The following CPNE2 variants were observed in gnomAD, a reference collection of about 807,000 sequenced individuals.
CPNE2 encodes the protein copine-2.
Under a neutral mutation model 69.7 loss-of-function variants are expected in CPNE2, and 42 were observed. That is an observed-to-expected ratio of 0.60 (90% CI 0.47 to 0.78). The LOEUF (loss-of-function observed/expected upper bound fraction) is 0.78. CPNE2 is among the 30% of genes least tolerant of loss of function. The probability of loss-of-function intolerance (pLI) is 0.00; values close to 1 mark genes in which losing one functional copy is unlikely to be tolerated. For synonymous variants in CPNE2, 294 were observed against 289.8 expected (o/e 1.01, Z -0.15); for missense variants, 587 against 732.0 (o/e 0.80, Z 2.29).
At chr16:57,119,475 T>C in intron 6 of CPNE2, 86 bp from the exon 7 acceptor site, 1 of 1,237,930 alleles carries the variant, frequency 8.1e-7, no homozygotes, top group Non-Finnish European at 1.2e-6. Flanking sequence ...GTCTGCATTT[T>C]GTCACCCTGT....
chr16:57,136,543 A>T (rs149219305), intron 13 of CPNE2, among the ~76,000 whole-genome samples: 81 of 152,316 alleles, frequency 5.3e-4, no homozygotes, highest in African/African-American at 1.9e-3. Context: ...CAGAGTGTAG[A>T]TTATCAGTCC....
chr16:57,144,720 G>A (rs2069944989), intron 14 of CPNE2: 2 of 152,290 alleles, frequency 1.3e-5, no homozygotes, highest in South Asian at 4.1e-4. Context: ...AGCCAAGGCG[G>A]GTGGATCACC....
intron 1 of CPNE2, among the ~76,000 whole-genome samples, chr16:57,107,865 C>CTTTTTT (rs11347830): frequency 1.0e-5 from 1 of 98,796 alleles, no homozygotes; most frequent in Non-Finnish European, 2.0e-5. Context: ...ACAGAGCAAT[C>CTTTTTT]TTTTTTTTTT....
At chr16:57,107,865 CTTTTTTTT>C (rs11347830) in intron 1 of CPNE2, among the ~76,000 whole-genome samples, 2 of 98,786 alleles carry the variant, frequency 2.0e-5, no homozygotes, top group African/African-American at 4.0e-5. Flanking sequence ...ACAGAGCAAT[CTTTTTTTT>C]TTTTTTTTTT....
chr16:57,106,858 C>G lies in CPNE2; in HGVS notation c.-35-3850C>G, dbSNP rs189896731. Among the ~76,000 whole-genome samples the G allele has an allele frequency of 1.5e-3, 223 of 152,306 alleles. 1 individual carries two copies. Among genetic ancestry groups the G allele is most frequent in the African/African-American group, 5.1e-3 (214 of 41,554 alleles). ...TTGGCTTCCCCAGCCCTGATCACAACCTGCCCGCTTAGCCTCAGGCTCCCC... is the reference window on the plus strand; with the variant it reads ...TTGGCTTCCCCAGCCCTGATCACAAGCTGCCCGCTTAGCCTCAGGCTCCCC... On this transcript the variant is annotated intron_variant, in intron 1 of 15. Coordinates refer to ENST00000290776, the MANE Select transcript of CPNE2 (RefSeq NM_152727.6).
chr16:57,111,298 T>A (rs2069680412), intron 2 of CPNE2, among the ~76,000 whole-genome samples: 1 of 151,556 alleles, frequency 6.6e-6, no homozygotes, highest in Admixed American at 6.6e-5. Context: ...TGCCTCAGCC[T>A]CCCGATTAGC....
Position 57,146,379 on chromosome 16 carries a change from A to C in CPNE2, c.1539+58A>C. On this transcript the variant is annotated intron_variant, in intron 15 of 15. Coordinates refer to ENST00000290776, the MANE Select transcript of CPNE2 (RefSeq NM_152727.6). The surrounding 1 kb of genome is among the most constrained non-coding windows in gnomAD (Gnocchi z 4.4). ...TACAGGATCCCAGCCACCATAGCTCATAATCAAGCTTGAGAGTCTTGGGGT... is the reference window on the plus strand; with the variant it reads ...TACAGGATCCCAGCCACCATAGCTCCTAATCAAGCTTGAGAGTCTTGGGGT... The C allele has an allele frequency of 1.3e-5, 18 of 1,394,526 alleles. No homozygotes were observed. The highest frequency in any genetic ancestry group is 1.7e-5 in the Non-Finnish European group (17 of 1,021,028). 86.4% of individuals were successfully genotyped at this position (1,394,526 alleles called of 1,614,324 possible). A position where few individuals can be genotyped will look rare whatever the true frequency, so the allele number is the denominator to read the frequency against.
At chr16:57,096,352 T>G (rs1207036376) in intron 1 of CPNE2, among the ~76,000 whole-genome samples, 1 of 152,150 alleles carries the variant, frequency 6.6e-6, no homozygotes, top group Admixed American at 6.6e-5. Flanking sequence ...CAGCATTCAC[T>G]GCACTCTTAC....
chr16:57,132,029 A>C (rs1312463634), intron 12 of CPNE2, among the ~76,000 whole-genome samples: 2 of 152,134 alleles, frequency 1.3e-5, no homozygotes, highest in African/African-American at 4.8e-5. Flanking sequence ...GCATCCCAGC[A>C]CCTGGCCTGC....
intron 6 of CPNE2, 101 bp downstream of exon 6, chr16:57,119,379 C>G: frequency 7.8e-7 from 1 of 1,288,364 alleles, no homozygotes; most frequent in East Asian, 2.3e-5. Flanking sequence ...GCTCAGTGTG[C>G]AGGAAAACCC....
intron 7 of CPNE2, among the ~76,000 whole-genome samples, chr16:57,120,142 G>A (rs942054606): frequency 6.6e-6 from 1 of 151,986 alleles, no homozygotes; most frequent in Non-Finnish European, 1.5e-5. Context: ...GCATGGCGGT[G>A]CACGCCTGTA....
At chr16:57,126,782 G>A (rs1290483370) in intron 11 of CPNE2, among the ~76,000 whole-genome samples, 1 of 152,170 alleles carries the variant, frequency 6.6e-6, no homozygotes, top group Non-Finnish European at 1.5e-5. Context: ...AAGGGAGGTG[G>A]AAGTCATCAT....
At chr16:57,111,407 A>G (rs1315693669) in intron 2 of CPNE2, among the ~76,000 whole-genome samples, 2 of 152,130 alleles carry the variant, frequency 1.3e-5, no homozygotes, top group African/African-American at 2.4e-5. Context: ...TGAACTCCTG[A>G]CCTCAAGCAA....
At chr16:57,105,100 G>A (rs547022653) in intron 1 of CPNE2, among the ~76,000 whole-genome samples, 101 of 152,318 alleles carry the variant, frequency 6.6e-4, no homozygotes, top group African/African-American at 2.3e-3. Flanking sequence ...GTGGAAAAGA[G>A]AGTGCAGCTG....
In CPNE2 at chr16:57,092,874, G is replaced by T. The variant is rs550308347; in HGVS notation, c.-36+84G>T. 1 of 151,972 alleles carries T rather than the reference G, an allele frequency of 6.6e-6. No homozygotes were observed. Among genetic ancestry groups the T allele is most frequent in the East Asian group, 2.0e-4 (1 of 5,120 alleles). 9.4% of individuals were successfully genotyped at this position (151,972 alleles called of 1,614,324 possible). A position where few individuals can be genotyped will look rare whatever the true frequency, so the allele number is the denominator to read the frequency against. On this transcript the variant is annotated intron_variant, in intron 1 of 15. Transcript: ENST00000290776. This position sits in a 1 kb window ranked among gnomAD's most constrained non-coding sequence, Gnocchi z 5.3. Reference sequence around the variant, plus strand: ...GGCTGGGCTCTTTGATCCAGCTGCGGGTCCGAAGGAACCCGGGTTCCGCCT... The same window carrying T: ...GGCTGGGCTCTTTGATCCAGCTGCGTGTCCGAAGGAACCCGGGTTCCGCCT...
At chr16:57,099,125 C>T (rs2069597018) in intron 1 of CPNE2, among the ~76,000 whole-genome samples, 1 of 152,198 alleles carries the variant, frequency 6.6e-6, no homozygotes, top group African/African-American at 2.4e-5. Flanking sequence ...CACCCGTCCA[C>T]GTGTCCTACT....
chr16:57,147,637 C>T lies in CPNE2; in HGVS notation c.1626C>T (p.Pro542=). The T allele has an allele frequency of 6.2e-7, 1 of 1,603,836 alleles. No individual in the cohort carries two copies. The highest frequency in any genetic ancestry group is 2.2e-5 in the East Asian group (1 of 44,546). The change falls in exon 16 of 16, where the codon CCC becomes CCT. Residue 542 remains proline (P), a synonymous_variant. Coordinates refer to ENST00000290776, the MANE Select transcript of CPNE2 (RefSeq NM_152727.6). The stretch of plus-strand genomic sequence containing the variant: ...ATTTCAAGCATAAAAACCTGCCCCC[C>T]ACCAACTCGGAGCCCGCCTGAGCTC... The part of the protein sequence containing the change: ...VQYFKHKNLP[P]TNSEPA
In CPNE2 at chr16:57,095,653, C is replaced by T. The variant is rs145262330; in HGVS notation, c.-36+2863C>T. ...CTAATTTTTGTATTTCTAGTAGAGA[C>T]GGGGTTTTGCTATGTTGGTTAGGCT... is the stretch of plus-strand genomic sequence containing the variant. On this transcript the variant is annotated intron_variant, in intron 1 of 15. Coordinates refer to ENST00000290776, the MANE Select transcript of CPNE2 (RefSeq NM_152727.6). 4.8e-4 allele frequency among the ~76,000 whole-genome samples: 73 copies of T among 152,180 alleles called. No individual in the cohort carries two copies. The East Asian group carries it at 0.013, about 27-fold the overall frequency.
intron 1 of CPNE2, among the ~76,000 whole-genome samples, chr16:57,106,950 G>T (rs1362422495): frequency 1.3e-5 from 2 of 152,218 alleles, no homozygotes; most frequent in African/African-American, 4.8e-5. Flanking sequence ...CCCCACCCTG[G>T]CAAAAGGCCA....
Sources: allele counts gnomAD v4.1 joint callset (sites outside exome capture counted in the v4.1 genomes callset), GRCh38; gene constraint gnomAD v4.1.1; non-coding constraint Gnocchi (gnomAD v3.1); transcripts MANE v1.5; gene names NCBI Gene and HGNC (gene_info 2026-07-23, HGNC 2026-07-21).